The following CD226 variants were observed in gnomAD, a reference collection of about 807,000 sequenced individuals.
CD226 encodes CD226 molecule.
Under a neutral mutation model 34.9 loss-of-function variants are expected in CD226, and 24 were observed. The ratio of observed to expected loss-of-function variants is 0.69; its 90% confidence interval spans 0.50 to 0.97. The LOEUF (loss-of-function observed/expected upper bound fraction) is 0.97. CD226 is among the 50% of genes least tolerant of loss of function. The pLI is 0.00. For missense variants in CD226, 397 were observed against 412.7 expected, an observed-to-expected ratio of 0.96 and a Z score of 0.33; for synonymous variants, 148 against 147.4, an observed-to-expected ratio of 1.00 and a Z score of -0.03.
At chr18:69,908,742 C>G (rs1271613983) in intron 2 of CD226, among the ~76,000 whole-genome samples, 1 of 152,212 alleles carries the variant, frequency 6.6e-6, no homozygotes, top group Non-Finnish European at 1.5e-5. Context: ...AGCACATGTT[C>G]TTTAGCAAAA....
chr18:69,960,609 A>G (rs1568214332), upstream of CD226, among the ~76,000 whole-genome samples: 1 of 152,190 alleles, frequency 6.6e-6, no homozygotes, highest in Middle Eastern at 3.4e-3. Context: ...ACCAACACGC[A>G]TGGCTAATTT....
intron 3 of CD226, among the ~76,000 whole-genome samples, chr18:69,892,162 C>T (rs1011493758): frequency 3.3e-5 from 5 of 152,206 alleles, no homozygotes; most frequent in African/African-American, 1.2e-4. Flanking sequence ...AGTAATTATA[C>T]TTATCAATAG....
intron 2 of CD226, among the ~76,000 whole-genome samples, chr18:69,907,552 C>T (rs758049580): frequency 3.3e-5 from 5 of 152,136 alleles, no homozygotes; most frequent in South Asian, 4.1e-4. Context: ...TCAAGTGGTC[C>T]GCCCACCTCG....
chr18:69,904,509 G>A (rs980848324), intron 2 of CD226, among the ~76,000 whole-genome samples: 4 of 152,204 alleles, frequency 2.6e-5, no homozygotes, highest in African/African-American at 7.2e-5. Context: ...AAAGGTAACC[G>A]TGGGTCCCCT....
chr18:69,915,932 G>A (rs953318488), intron 2 of CD226, among the ~76,000 whole-genome samples: 4 of 152,138 alleles, frequency 2.6e-5, no homozygotes, highest in Non-Finnish European at 4.4e-5. Context: ...GGATGTGCCA[G>A]AGCCAGTGGT....
intron 2 of CD226, among the ~76,000 whole-genome samples, chr18:69,929,851 G>A (rs1462673469): frequency 2.6e-5 from 4 of 152,064 alleles, no homozygotes; most frequent in African/African-American, 9.7e-5. Flanking sequence ...ACGCAACATC[G>A]AATATATTAT....
intron 2 of CD226, among the ~76,000 whole-genome samples, chr18:69,940,443 A>C (rs1179167330): frequency 2.0e-5 from 3 of 152,242 alleles, no homozygotes; most frequent in African/African-American, 7.2e-5. Context: ...AAATGTGGGA[A>C]ATTTGGGAAC....
At chr18:69,872,249 A>G (rs755342702) in intron 4 of CD226, among the ~76,000 whole-genome samples, 17 of 152,166 alleles carry the variant, frequency 1.1e-4, no homozygotes, top group Non-Finnish European at 2.4e-4. Context: ...TTTAGCTGTA[A>G]TACATTATAA....
intron 3 of CD226, among the ~76,000 whole-genome samples, chr18:69,885,181 G>A (rs1274245805): frequency 6.6e-6 from 1 of 152,202 alleles, no homozygotes; most frequent in Non-Finnish European, 1.5e-5. Flanking sequence ...TCTGCAGGTT[G>A]CAACAGGACA....
At chr18:69,911,970 A>C (rs2055331165) in intron 2 of CD226, among the ~76,000 whole-genome samples, 1 of 152,122 alleles carries the variant, frequency 6.6e-6, no homozygotes, top group Non-Finnish European at 1.5e-5. Flanking sequence ...AATACAGTAA[A>C]TCTTCATTTT....
intron 2 of CD226, among the ~76,000 whole-genome samples, chr18:69,942,648 C>T (rs1177877748): frequency 3.3e-5 from 5 of 152,168 alleles, no homozygotes; most frequent in African/African-American, 9.7e-5. Flanking sequence ...AAGCTGAGCC[C>T]CTTTGCTGGT....
chr18:69,923,636 G>A (rs1445416044), intron 2 of CD226, among the ~76,000 whole-genome samples: 1 of 152,174 alleles, frequency 6.6e-6, no homozygotes, highest in Non-Finnish European at 1.5e-5. Context: ...TGACACATCT[G>A]ATTTAGGATG....
Position 69,855,322 on chromosome 18 carries a change from A to C in CD226, c.*8992T>G, listed in dbSNP as rs932893123. Reference sequence around the variant, plus strand: ...AAGAAAGATGGAAACACTAAGAAGGAATAAAAAAGAAATGGTAGCAATAAA... The same window carrying C: ...AAGAAAGATGGAAACACTAAGAAGGCATAAAAAAGAAATGGTAGCAATAAA... On this transcript the variant is annotated 3_prime_UTR_variant, in exon 6 of 6. Transcript: ENST00000582621. The C allele has an allele frequency of 3.9e-5, 6 of 152,214 alleles. No individual in the cohort carries two copies. Among genetic ancestry groups the C allele is most frequent in the African/African-American group, 1.4e-4 (6 of 41,458 alleles). 9.4% of individuals were successfully genotyped at this position (152,214 alleles called of 1,614,324 possible). A position where few individuals can be genotyped will look rare whatever the true frequency, so the allele number is the denominator to read the frequency against.
chr18:69,871,276 G>A (rs960736138), intron 4 of CD226, among the ~76,000 whole-genome samples: 11 of 152,112 alleles, frequency 7.2e-5, no homozygotes, highest in Non-Finnish European at 1.0e-4. Context: ...CTAACACCTC[G>A]GTTCCTTACT....
intron 4 of CD226, among the ~76,000 whole-genome samples, chr18:69,870,494 C>T (rs543766138): frequency 3.6e-4 from 55 of 151,548 alleles, no homozygotes; most frequent in African/African-American, 1.1e-3. Context: ...AGGCTGGTCT[C>T]GAACTCCTGA....
intron 3 of CD226, among the ~76,000 whole-genome samples, chr18:69,885,042 G>A (rs773154942): frequency 3.9e-5 from 6 of 151,954 alleles, no homozygotes; most frequent in Non-Finnish European, 7.4e-5. Flanking sequence ...ATATTTCTCC[G>A]GCACACTTTT....
At chr18:69,877,144 G>A (rs951577488) in intron 3 of CD226, among the ~76,000 whole-genome samples, 2 of 152,048 alleles carry the variant, frequency 1.3e-5, no homozygotes, top group Non-Finnish European at 2.9e-5. Context: ...GATTGCAGGC[G>A]TGAGCCACCG....
intron 2 of CD226, among the ~76,000 whole-genome samples, chr18:69,902,188 A>G (rs184543551): frequency 1.3e-5 from 2 of 152,222 alleles, no homozygotes; most frequent in Admixed American, 1.3e-4. Flanking sequence ...TTAACCTCCA[A>G]TTCTAAGTGG....
Position 69,864,309 on chromosome 18 carries a change from T to C in CD226, c.*5A>G, listed in dbSNP as rs1390511687. The C allele has an allele frequency of 6.2e-7, 1 of 1,613,768 alleles. No homozygotes were observed. The highest frequency in any genetic ancestry group is 1.7e-5 in the Admixed American group (1 of 60,010). On this transcript the variant is annotated 3_prime_UTR_variant, in exon 6 of 6. Transcript: ENST00000582621. ...ATTACTAATGCACTCATGTCAAGAA[T>C]AAGCTTAAACTCTAGTCTTTGGTCT...
Sources: allele counts gnomAD v4.1 joint callset (sites outside exome capture counted in the v4.1 genomes callset), GRCh38; gene constraint gnomAD v4.1.1; transcripts MANE v1.5; gene names NCBI Gene and HGNC (gene_info 2026-07-23, HGNC 2026-07-21).